Variants in STX4 observed in about 807,000 individuals in gnomAD.
STX4 encodes syntaxin 4, also known as syntaxin-4.
A neutral mutation model predicts 41.8 loss-of-function variants in STX4; 24 were observed. The ratio of observed to expected loss-of-function variants is 0.57; its 90% confidence interval spans 0.42 to 0.81. The LOEUF (loss-of-function observed/expected upper bound fraction) is 0.81. Among genes scored for constraint, STX4 ranks in the 30% least tolerant of loss-of-function variants. STX4 has a pLI of 0.00. For synonymous variants in STX4, 158 were observed against 156.4 expected (o/e 1.01, Z -0.08); for missense variants, 316 against 389.9 (o/e 0.81, Z 1.60).
In STX4 at chr16:31,035,044, G is replaced by A; in HGVS notation, c.378+4G>A. 1 of 1,599,310 alleles carries A rather than the reference G, an allele frequency of 6.3e-7. No individual in the cohort carries two copies. The highest frequency in any genetic ancestry group is 2.2e-5 in the East Asian group (1 of 44,492). On this transcript the variant is annotated splice_donor_region_variant and intron_variant, in intron 5 of 10. Coordinates refer to ENST00000313843, the MANE Select transcript of STX4 (RefSeq NM_004604.5). ...CACAAGAATGAGAAAAACCCAGGTG[G>A]GTTTTTTTTCTCAGAAATGAGGACA...
Position 31,033,615 on chromosome 16 carries a change from T to TG in STX4, c.-185dup, listed in dbSNP as rs1297109665. The TG allele has an allele frequency of 7.2e-5, 107 of 1,486,062 alleles. No homozygotes were observed. The highest frequency in any genetic ancestry group is 2.1e-4 in the African/African-American group (15 of 70,646). The allele number at this position is 1,486,062 out of a possible 1,614,324, so 92.1% of individuals were successfully genotyped here. A position where few individuals can be genotyped will look rare whatever the true frequency, so the allele number is the denominator to read the frequency against. On this transcript the variant is annotated 5_prime_UTR_variant, in exon 1 of 11. Transcript: ENST00000313843. This position sits in a 1 kb window ranked among gnomAD's most constrained non-coding sequence, Gnocchi z 5.5. ...AAGGGAATTCCAACCTGTGGAACCT[T>TG]GGGGGGTCCCCGGGGTCGGCGCCTT...
rs1596739600 is a variant in STX4, at chr16:31,039,523, A to C, written c.703-18A>C. On this transcript the variant is annotated intron_variant, in intron 8 of 10. Coordinates refer to ENST00000313843, the MANE Select transcript of STX4 (RefSeq NM_004604.5). The surrounding 1 kb of genome is among the most constrained non-coding windows in gnomAD (Gnocchi z 4.1). The stretch of plus-strand genomic sequence containing the variant: ...AAAGGCATCCTTACCTCCCTGAACC[A>C]CCCCATCCTCTGAGCAGGGGGAGAT... 3.7e-6 allele frequency: 6 copies of C among 1,612,540 alleles called. No individual in the cohort carries two copies. Among genetic ancestry groups the C allele is most frequent in the Non-Finnish European group, 4.2e-6 (5 of 1,178,988 alleles).
chr16:31,034,620 A>G (rs2056786046), intron 4 of STX4, 84 bp downstream of exon 4: 1 of 1,407,952 alleles, frequency 7.1e-7, no homozygotes, highest in Non-Finnish European at 9.5e-7. Context: ...GGCCCAGAGA[A>G]GCCAGTGATA....
chr16:31,035,151 A>G, intron 5 of STX4, 111 bp downstream of exon 5: 1 of 808,836 alleles, frequency 1.2e-6, no homozygotes, highest in African/African-American at 1.8e-5. Context: ...CAATTGGATG[A>G]CTTTTCCAAA....
rs1192776951 is a variant in STX4, at chr16:31,037,166, C to G, written c.379-760C>G. Reference sequence around the variant, plus strand: ...GCAACCTCCGCCTCCTGGGTTCAAGCCATTCTCTTGCTTCAGCCTCCCAAG... The same window carrying G: ...GCAACCTCCGCCTCCTGGGTTCAAGGCATTCTCTTGCTTCAGCCTCCCAAG... On this transcript the variant is annotated intron_variant, in intron 5 of 10. Coordinates refer to ENST00000313843, the MANE Select transcript of STX4 (RefSeq NM_004604.5). Among the ~76,000 whole-genome samples the G allele has an allele frequency of 3.3e-5, 5 of 151,080 alleles. No individual in the cohort carries two copies. In the East Asian group the frequency reaches 1.0e-3, roughly 30 times the overall value.
chr16:31,034,172 G>T (rs762118697), intron 2 of STX4, 54 bp from the exon 3 acceptor site: 3 of 1,613,294 alleles, frequency 1.9e-6, no homozygotes, highest in Admixed American at 3.3e-5. Context: ...CCGAGGAGTA[G>T]CGTGGTCTGG....
chr16:31,039,498 A>C lies in STX4; in HGVS notation c.703-43A>C. The C allele has an allele frequency of 6.3e-7, 1 of 1,594,510 alleles. No individual in the cohort carries two copies. The highest frequency in any genetic ancestry group is 8.6e-7 in the Non-Finnish European group (1 of 1,164,736). On this transcript the variant is annotated intron_variant, in intron 8 of 10. Transcript: ENST00000313843. The surrounding 1 kb of genome is among the most constrained non-coding windows in gnomAD (Gnocchi z 4.1). ...TTCAGTCATCTGGGGTGGGGTGGGC[A>C]AAGGCATCCTTACCTCCCTGAACCA...
Position 31,033,601 on chromosome 16 carries a change from A to C in STX4, c.-205A>C, listed in dbSNP as rs2056772553. The C allele has an allele frequency of 6.6e-6, 10 of 1,508,894 alleles. No individual in the cohort carries two copies. Among genetic ancestry groups the C allele is most frequent in the African/African-American group, 1.4e-5 (1 of 72,294 alleles). The allele number at this position is 1,508,894 out of a possible 1,614,324, so 93.5% of individuals were successfully genotyped here. On this transcript the variant is annotated 5_prime_UTR_variant, in exon 1 of 11. Transcript: ENST00000313843. The surrounding 1 kb of genome is among the most constrained non-coding windows in gnomAD (Gnocchi z 5.5). ...GGAGCGGGGAAGAAAAGGGAATTCC[A>C]ACCTGTGGAACCTTGGGGGGTCCCC...
chr16:31,034,823 C>G, intron 4 of STX4, 147 bp from the exon 5 acceptor site: 2 of 804,612 alleles, frequency 2.5e-6, no homozygotes, highest in Non-Finnish European at 3.9e-6. Flanking sequence ...CTCTGCATAC[C>G]TATGGGAACT....
chr16:31,034,969 G>T lies in STX4; in HGVS notation c.308-1G>T. On this transcript the variant is annotated splice_acceptor_variant, in intron 4 of 10. Transcript: ENST00000313843. LOFTEE classifies it high-confidence loss of function. ...CCCAATACCCCTGTGTCTTCCCACA[G>T]CCATAGAGCCCCAGAAGGAGGAAGC... 1 of 1,605,042 alleles carries T rather than the reference G, an allele frequency of 6.2e-7. No homozygotes were observed.
chr16:31,038,229 C>T, intron 7 of STX4, 39 bp downstream of exon 7: 1 of 1,610,792 alleles, frequency 6.2e-7, no homozygotes. Context: ...CTGTGCCTCC[C>T]ATCCCCTCTG....
chr16:31,034,737 G>A, intron 4 of STX4: 2 of 703,072 alleles, frequency 2.8e-6, no homozygotes, highest in Non-Finnish European at 4.5e-6. Flanking sequence ...TATTTACAAT[G>A]AAACCATTTA....
chr16:31,034,197 C>A (rs766394844), intron 2 of STX4, 29 bp from the exon 3 acceptor site: 1 of 1,614,016 alleles, frequency 6.2e-7, no homozygotes, highest in Non-Finnish European at 8.5e-7. Flanking sequence ...CCCCATATCT[C>A]TTTCAGCCCT....
In STX4 at chr16:31,038,730, G is replaced by A. The variant is rs186339349; in HGVS notation, c.702+83G>A. 4.0e-4 allele frequency: 622 copies of A among 1,544,884 alleles called. 2 individuals carry two copies. Among genetic ancestry groups the A allele is most frequent in the Admixed American group, 2.5e-3 (134 of 54,682 alleles). On this transcript the variant is annotated intron_variant, in intron 8 of 10. Coordinates refer to ENST00000313843, the MANE Select transcript of STX4 (RefSeq NM_004604.5). ...CCCGCCACCCTTAGATTCTCTCCCT[G>A]AGGCTTTTGTGTCTTCCAGGTTTGG...
Position 31,038,608 on chromosome 16 carries a change from C to T in STX4, c.663C>T (p.His221=), listed in dbSNP as rs1380023669. ...TTGAACGCAGTATTCGTGAGCTGCA[C>T]GACATATTCACTTTTCTGGCTACCG... ...QQLERSIREL[H]DIFTFLATEV... is the part of the protein sequence containing the mutation. Residue 221 remains histidine (H), a synonymous_variant, in exon 8 of 11, where the codon CAC becomes CAT. Coordinates refer to ENST00000313843, the MANE Select transcript of STX4 (RefSeq NM_004604.5). The T allele has an allele frequency of 3.7e-6, 6 of 1,613,954 alleles. No individual in the cohort carries two copies. The highest frequency in any genetic ancestry group is 5.1e-6 in the Non-Finnish European group (6 of 1,180,032).
chr16:31,033,717 G>T lies in STX4; in HGVS notation c.-89G>T. 1 of 1,448,960 alleles carries T rather than the reference G, an allele frequency of 6.9e-7. No homozygotes were observed. The highest frequency in any genetic ancestry group is 1.5e-5 in the South Asian group (1 of 68,156). 89.8% of individuals were successfully genotyped at this position (1,448,960 alleles called of 1,614,324 possible). A position where few individuals can be genotyped will look rare whatever the true frequency, so the allele number is the denominator to read the frequency against. On this transcript the variant is annotated 5_prime_UTR_variant, in exon 1 of 11. The change creates a new upstream start codon in the 5' untranslated region. Transcript: ENST00000313843. This position sits in a 1 kb window ranked among gnomAD's most constrained non-coding sequence, Gnocchi z 5.5. ...GTGTTGGGGTCCGCAGGGGGAGGGA[G>T]GGGAGTGTCAGAGTGTGAGCGGGGT...
rs745502227 is a variant in STX4 at position 31,037,954 on chromosome 16, A to T, written c.407A>T (p.Glu136Val). 10 of 1,614,136 alleles carry T rather than the reference A, an allele frequency of 6.2e-6. No individual in the cohort carries two copies. The highest frequency in any genetic ancestry group is 5.5e-5 in the South Asian group (5 of 91,090). Residue 136 changes from glutamate to valine, a missense_variant, in exon 6 of 11, where the codon GAG (glutamate) becomes GTG (valine). By Grantham distance (121) the Glu-to-Val change is moderately radical. Transcript: ENST00000313843. ...GGGGTCCTGTCCCAGCAATTCGTGGAGCTCATCAACAAGTGCAATTCAATG... is the reference window on the plus strand; with the variant it reads ...GGGGTCCTGTCCCAGCAATTCGTGGTGCTCATCAACAAGTGCAATTCAATG... ...QHGVLSQQFVELINKCNSMQS... is the reference protein window; with the variant it reads ...QHGVLSQQFVVLINKCNSMQS...
At chr16:31,035,479 G>A (rs1379582544) in intron 5 of STX4, among the ~76,000 whole-genome samples, 1 of 152,012 alleles carries the variant, frequency 6.6e-6, no homozygotes, top group African/African-American at 2.4e-5. Flanking sequence ...CTCCTGCCTC[G>A]GCCTCCCAAA....
intron 5 of STX4, among the ~76,000 whole-genome samples, chr16:31,037,103 G>T (rs1354512518): frequency 7.3e-6 from 1 of 136,118 alleles, no homozygotes; most frequent in Non-Finnish European, 1.5e-5. Flanking sequence ...TCACTCTGTT[G>T]CCCAGGCTGG....
Sources: allele counts gnomAD v4.1 joint callset (sites outside exome capture counted in the v4.1 genomes callset), GRCh38; gene constraint gnomAD v4.1.1; non-coding constraint Gnocchi (gnomAD v3.1); transcripts MANE v1.5; gene names NCBI Gene and HGNC (gene_info 2026-07-23, HGNC 2026-07-21).